Variants in ATPAF2 observed in about 807,000 individuals in gnomAD.
The protein encoded by ATPAF2 is ATP12 homolog.
ATPAF2 carries 30 observed loss-of-function variants against 36.6 expected under a neutral mutation model. The ratio of observed to expected loss-of-function variants is 0.82; its 90% CI spans 0.61 to 1.11. The LOEUF (loss-of-function observed/expected upper bound fraction) is 1.11. Ranked by LOEUF, ATPAF2 falls within the 50% of genes most tolerant of loss-of-function variation. The pLI is 0.00. For synonymous variants in ATPAF2, 140 were observed against 152.6 expected (o/e 0.92, Z 0.61); for missense variants, 321 against 372.3 (o/e 0.86, Z 1.13).
intron 1 of ATPAF2, 76 bp downstream of exon 1, chr17:18,038,805 G>C (rs902695153): frequency 5.0e-6 from 8 of 1,594,658 alleles, no homozygotes; most frequent in South Asian, 1.1e-5. Flanking sequence ...CAGTTACTTC[G>C]CTTTGCACAG....
chr17:18,025,905 T>C (rs1159548530), intron 4 of ATPAF2, among the ~76,000 whole-genome samples: 5 of 152,304 alleles, frequency 3.3e-5, no homozygotes, highest in Non-Finnish European at 5.9e-5. Context: ...CCAAGAAACA[T>C]AGACACAGAG....
chr17:18,028,136 C>A lies in ATPAF2; in HGVS notation c.324+96G>T. ...CCCTGGGGGCCAGACAGGCAAAGGA[C>A]CAGCCCCCAGGGCCTTGTCGGAATT... is the stretch of plus-strand genomic sequence containing the variant. On this transcript the variant is annotated intron_variant, in intron 3 of 7. Coordinates refer to ENST00000474627, the MANE Select transcript of ATPAF2 (RefSeq NM_145691.4). The A allele has an allele frequency of 2.0e-6, 3 of 1,499,214 alleles. No homozygotes were observed. The South Asian group carries it at 3.4e-5, about 17-fold the overall frequency. The allele number at this position is 1,499,214 out of a possible 1,614,324, so 92.9% of individuals were successfully genotyped here.
chr17:18,039,044 G>A lies in ATPAF2; in HGVS notation c.-31C>T. 2 of 1,569,398 alleles carry A rather than the reference G, an allele frequency of 1.3e-6. No homozygotes were observed. Among genetic ancestry groups the A allele is most frequent in the Non-Finnish European group, 1.7e-6 (2 of 1,157,036 alleles). ...CCGAGGGTCTGGGAAGATGCGAGAC[G>A]CGAAACCTGGAGCAGGAAACACAGA... On this transcript the variant is annotated 5_prime_UTR_variant, in exon 1 of 8. Transcript: ENST00000474627. The surrounding 1 kb of genome is among the most constrained non-coding windows in gnomAD (Gnocchi z 5.3).
intron 4 of ATPAF2, chr17:18,025,993 C>T (rs187919425): frequency 4.7e-4 from 212 of 448,738 alleles, no homozygotes; most frequent in Non-Finnish European, 6.6e-4. Flanking sequence ...GAGAAAGTGT[C>T]GGTGGGCAGA....
In ATPAF2 at chr17:18,028,316, G is replaced by T. The variant is rs561865870; in HGVS notation, c.240C>A (p.Thr80=). ...CAATGGCCAGGGCCTCGCTGGGGAC[G>T]GTAAAGAGCTTGGCTTGGGGAGTTT... ...KLKTPQAKLF[T]VPSEALAIAV... is the part of the protein sequence containing the mutation. The change falls in exon 3 of 8, where the codon ACC becomes ACA. Residue 80 remains threonine (T), a synonymous_variant. Transcript: ENST00000474627. 1.2e-6 allele frequency: 2 copies of T among 1,614,154 alleles called. No homozygotes were observed. Among genetic ancestry groups the T allele is most frequent in the South Asian group, 1.1e-5 (1 of 91,088 alleles).
intron 6 of ATPAF2, 51 bp from the exon 7 acceptor site, chr17:18,021,289 C>G: frequency 6.9e-7 from 1 of 1,440,428 alleles, no homozygotes; most frequent in Non-Finnish European, 9.7e-7. Flanking sequence ...GCTGCCACAA[C>G]CTACCCCTTG....
chr17:18,031,382 A>G (rs773715651), intron 1 of ATPAF2, among the ~76,000 whole-genome samples: 2 of 152,216 alleles, frequency 1.3e-5, no homozygotes, highest in Non-Finnish European at 2.9e-5. Flanking sequence ...CCACATTTGC[A>G]CTTACTAAAC....
At chr17:18,022,086 G>A (rs2044478200) in intron 5 of ATPAF2, among the ~76,000 whole-genome samples, 1 of 152,164 alleles carries the variant, frequency 6.6e-6, no homozygotes, top group Non-Finnish European at 1.5e-5. Context: ...ATGAAGGGAT[G>A]GTTCCTGAGT....
At chr17:18,016,071 T>C (rs141679194), downstream of ATPAF2, 29 of 1,613,602 alleles carry the variant, frequency 1.8e-5, no homozygotes, top group African/African-American at 3.7e-4. Flanking sequence ...CAGCTTTTTG[T>C]CGATAAAGAT....
intron 5 of ATPAF2, 58 bp downstream of exon 5, chr17:18,024,566 T>A: frequency 1.0e-5 from 15 of 1,468,052 alleles, no homozygotes; most frequent in Non-Finnish European, 1.4e-5. Flanking sequence ...CCCTGACCCC[T>A]ACACTCCACC....
intron 1 of ATPAF2, among the ~76,000 whole-genome samples, chr17:18,031,383 C>T (rs1291434301): frequency 6.6e-6 from 1 of 152,224 alleles, no homozygotes; most frequent in Non-Finnish European, 1.5e-5. Context: ...CACATTTGCA[C>T]TTACTAAACT....
chr17:18,026,181 A>G, intron 4 of ATPAF2, 138 bp downstream of exon 4: 1 of 828,258 alleles, frequency 1.2e-6, no homozygotes, highest in Non-Finnish European at 2.1e-6. Context: ...CAGAGCAGCC[A>G]AGTGCCAAAG....
downstream of ATPAF2, chr17:18,015,932 C>A: frequency 1.1e-6 from 1 of 899,254 alleles, no homozygotes; most frequent in East Asian, 2.5e-5. Flanking sequence ...TGCGCTGATA[C>A]AAAGGTGGGC....
chr17:18,026,543 C>G (rs2145499069), intron 3 of ATPAF2, 127 bp from the exon 4 acceptor site: 1 of 779,346 alleles, frequency 1.3e-6, no homozygotes, highest in Non-Finnish European at 2.3e-6. Context: ...CCAGAGGCGT[C>G]TGCATTACCG....
At chr17:18,021,275 G>C (rs749348138) in intron 6 of ATPAF2, 37 bp from the exon 7 acceptor site, 1 of 1,547,824 alleles carries the variant, frequency 6.5e-7, no homozygotes, top group African/African-American at 1.4e-5. Context: ...CCCAAAACAG[G>C]GCAGCTGCCA....
At chr17:18,019,977 G>A (rs1356896380) in intron 7 of ATPAF2, among the ~76,000 whole-genome samples, 1 of 152,136 alleles carries the variant, frequency 6.6e-6, no homozygotes, top group Non-Finnish European at 1.5e-5. Context: ...CCCTTCCTAT[G>A]TAATCAGTTC....
chr17:18,034,435 G>A (rs765410477), intron 1 of ATPAF2, among the ~76,000 whole-genome samples: 3 of 152,108 alleles, frequency 2.0e-5, no homozygotes, highest in Non-Finnish European at 2.9e-5. Flanking sequence ...CAAGGGATCT[G>A]AATAGACGTT....
At chr17:18,028,181 C>T (rs374871955) in intron 3 of ATPAF2, 51 bp downstream of exon 3, 13 of 1,612,840 alleles carry the variant, frequency 8.1e-6, no homozygotes, top group South Asian at 4.4e-5. Context: ...GTCTACCCTA[C>T]GAAGCCCTGG....
chr17:18,033,361 CAAA>C (rs200896637), intron 1 of ATPAF2, among the ~76,000 whole-genome samples: 18 of 64,466 alleles, frequency 2.8e-4, no homozygotes, highest in Non-Finnish European at 3.0e-4. Context: ...GACTCTGTCT[CAAA>C]AAAAAAAAAA....
Sources: allele counts gnomAD v4.1 joint callset (sites outside exome capture counted in the v4.1 genomes callset), GRCh38; gene constraint gnomAD v4.1.1; non-coding constraint Gnocchi (gnomAD v3.1); transcripts MANE v1.5; gene names NCBI Gene and HGNC (gene_info 2026-07-23, HGNC 2026-07-21).